The following LRP5 variants were observed in gnomAD, a reference collection of about 807,000 sequenced individuals.
The protein encoded by LRP5 is LDL receptor related protein 5, also known as low-density lipoprotein receptor-related protein 5.
LRP5 carries 62 observed loss-of-function variants against 154.1 expected under a neutral mutation model. The observed-to-expected ratio is 0.40, with a 90% CI of 0.33 to 0.50. The LOEUF (loss-of-function observed/expected upper bound fraction) is 0.50. Ranked by LOEUF, LRP5 falls within the 20% of genes least tolerant of loss-of-function variation. The pLI is 0.55. For synonymous variants in LRP5, 966 were observed against 1,011.5 expected, an observed-to-expected ratio of 0.96 and a Z score of 0.85; for missense variants, 1,915 against 2,336.7, an observed-to-expected ratio of 0.82 and a Z score of 3.72.
chr11:68,424,994 G>A, intron 14 of LRP5, 108 bp from the exon 15 acceptor site: 3 of 904,624 alleles, frequency 3.3e-6, no homozygotes, highest in Non-Finnish European at 3.6e-6. Flanking sequence ...GCCTCGGGCA[G>A]CCCTGAGAGG....
rs190490094 is a variant in LRP5, at chr11:68,315,553, A to G, written c.91+2748A>G. Among the ~76,000 whole-genome samples the G allele has an allele frequency of 9.2e-5, 14 of 152,342 alleles. No homozygotes were observed. The East Asian group carries it at 2.5e-3, about 27-fold the overall frequency. On this transcript the variant is annotated intron_variant, in intron 1 of 22. Coordinates refer to ENST00000294304, the MANE Select transcript of LRP5 (RefSeq NM_002335.4). ...TTCTCACCTGTAAAATGGGAATAGA[A>G]TCCTTCCTACCATGAATTCAGTGAG...
intron 1 of LRP5, among the ~76,000 whole-genome samples, chr11:68,330,479 C>T (rs2098602132): frequency 6.6e-6 from 1 of 152,154 alleles, no homozygotes; most frequent in South Asian, 2.1e-4. Flanking sequence ...TGGATGTTCC[C>T]TCCTCTTGCT....
intron 3 of LRP5, 30 bp downstream of exon 3, chr11:68,357,877 C>A (rs1056374865): frequency 4.4e-6 from 7 of 1,584,334 alleles, no homozygotes; most frequent in Middle Eastern, 1.9e-4. Flanking sequence ...TGGGGCACCC[C>A]TTTCCCCTTT....
At chr11:68,417,332 G>A (rs2098663108) in intron 13 of LRP5, among the ~76,000 whole-genome samples, 2 of 151,942 alleles carry the variant, frequency 1.3e-5, no homozygotes, top group South Asian at 2.1e-4. Flanking sequence ...GTTCCCTGCC[G>A]GCTGTAGTTT....
chr11:68,307,599 A>G (rs2153108811), upstream of LRP5, among the ~76,000 whole-genome samples: 1 of 152,164 alleles, frequency 6.6e-6, no homozygotes, highest in South Asian at 2.1e-4. Context: ...TTGAGGCTGC[A>G]GTGAGCCAAG....
Position 68,386,368 on chromosome 11 carries a change from G to C in LRP5, c.1068G>C (p.Ser356=). Residue 356 remains serine (S), a synonymous_variant, in exon 6 of 23, where the codon TCG becomes TCC. Transcript: ENST00000294304. This position sits in a 1 kb window ranked among gnomAD's most constrained non-coding sequence, Gnocchi z 7.9. ...GGCGGACGGACCTACGGAGGATCTC[G>C]CTGGACACGCCGGACTTCACCGACA... ...LARRTDLRRI[S]LDTPDFTDIV... 1 of 1,613,580 alleles carries C rather than the reference G, an allele frequency of 6.2e-7. No individual in the cohort carries two copies. Among genetic ancestry groups the C allele is most frequent in the African/African-American group, 1.3e-5 (1 of 75,048 alleles).
chr11:68,382,234 G>A (rs1183563429), intron 5 of LRP5, among the ~76,000 whole-genome samples: 1 of 152,234 alleles, frequency 6.6e-6, no homozygotes, highest in Non-Finnish European at 1.5e-5. Context: ...TGGAAGGGAT[G>A]CCGAGAATAG....
At chr11:68,409,624 A>C (rs1428177518) in intron 9 of LRP5, among the ~76,000 whole-genome samples, 1 of 151,908 alleles carries the variant, frequency 6.6e-6, no homozygotes, top group East Asian at 1.9e-4. Context: ...AGGCAGGTGG[A>C]TCAACTGAGG....
Position 68,438,838 on chromosome 11 carries a change from G to A in LRP5, c.4348+156G>A, listed in dbSNP as rs567177350. ...GCATTCAGCCTTTCCCACTGAGCCT[G>A]TGCTTGGCATCAGAATCCTTCAACA... On this transcript the variant is annotated intron_variant, in intron 20 of 22. Coordinates refer to ENST00000294304, the MANE Select transcript of LRP5 (RefSeq NM_002335.4). 3.3e-5 allele frequency among the ~76,000 whole-genome samples: 5 copies of A among 152,366 alleles called. No individual in the cohort carries two copies. The South Asian group carries it at 1.0e-3, about 32-fold the overall frequency.
At chr11:68,366,396 A>G (rs1259321889) in intron 5 of LRP5, among the ~76,000 whole-genome samples, 1 of 150,878 alleles carries the variant, frequency 6.6e-6, no homozygotes, top group Non-Finnish European at 1.5e-5. Context: ...GGCCCCCTAG[A>G]AGGACTCTCC....
chr11:68,388,173 C>T (rs1031913663), intron 6 of LRP5, among the ~76,000 whole-genome samples: 5 of 151,990 alleles, frequency 3.3e-5, no homozygotes, highest in African/African-American at 2.4e-5. Context: ...CTGGGTTGTG[C>T]CCCGAGGAGG....
intron 1 of LRP5, among the ~76,000 whole-genome samples, chr11:68,318,014 T>G (rs1053509064): frequency 7.2e-5 from 11 of 152,060 alleles, no homozygotes; most frequent in Middle Eastern, 3.2e-3. Flanking sequence ...ATATATATTT[T>G]AAACATCTTT....
intron 19 of LRP5, 78 bp from the exon 20 acceptor site, chr11:68,438,368 C>A: frequency 2.3e-6 from 3 of 1,328,230 alleles, no homozygotes; most frequent in Non-Finnish European, 3.3e-6. Flanking sequence ...CCCTTCAGGG[C>A]GCACGGTGTC....
At chr11:68,309,313 A>G (rs1477424804), upstream of LRP5, among the ~76,000 whole-genome samples, 1 of 150,792 alleles carries the variant, frequency 6.6e-6, no homozygotes, top group Non-Finnish European at 1.5e-5. Flanking sequence ...GCTCACTGCA[A>G]CCTCTGCCTC....
At chr11:68,300,967 T>C in the LRP5 span, among the ~76,000 whole-genome samples, 1 of 148,862 alleles carries the variant, frequency 6.7e-6, no homozygotes, top group African/African-American at 2.4e-5. Context: ...GCTCTTGCTT[T>C]TGCCCAGGCT....
chr11:68,376,168 CTTCT>C (rs990339250), intron 5 of LRP5, among the ~76,000 whole-genome samples: 1 of 126,370 alleles, frequency 7.9e-6, no homozygotes, highest in Non-Finnish European at 1.7e-5. Flanking sequence ...GCTGGCCCTG[CTTCT>C]TTTTTTTTTT....
intron 1 of LRP5, among the ~76,000 whole-genome samples, chr11:68,345,887 G>A: frequency 6.6e-6 from 1 of 152,130 alleles, no homozygotes; most frequent in East Asian, 1.9e-4. Flanking sequence ...GTATCTTATT[G>A]TAGTTTTGAT....
chr11:68,351,857 G>A (rs774745295), intron 2 of LRP5, among the ~76,000 whole-genome samples: 6 of 152,200 alleles, frequency 3.9e-5, no homozygotes, highest in Non-Finnish European at 8.8e-5. Context: ...CTTTTGAGTC[G>A]AGACTGGAAG....
At chr11:68,381,559 G>A (rs990154527) in intron 5 of LRP5, among the ~76,000 whole-genome samples, 13 of 152,286 alleles carry the variant, frequency 8.5e-5, no homozygotes, top group Non-Finnish European at 1.3e-4. Flanking sequence ...TCCTGCATGC[G>A]TGCAGGGAGG....
Sources: allele counts gnomAD v4.1 joint callset (sites outside exome capture counted in the v4.1 genomes callset), GRCh38; gene constraint gnomAD v4.1.1; non-coding constraint Gnocchi (gnomAD v3.1); transcripts MANE v1.5; gene names NCBI Gene and HGNC (gene_info 2026-07-23, HGNC 2026-07-21).